Variants in OR1S1 observed in about 807,000 individuals in gnomAD.
OR1S1 encodes olfactory receptor family 1 subfamily S member 1, also known as olfactory receptor 1S1.
For missense variants in OR1S1, 411 were observed against 367.5 expected (o/e 1.12, Z -0.97); for synonymous variants, 156 against 143.9 (o/e 1.08, Z -0.60).
At position 58,213,865 on chromosome 11, in the gene OR1S1, C is replaced by T. The variant is rs147518634; in HGVS notation, c.-55-864C>T. ...GATCTCTCTTTCATAAGAGACCCACCTCATGGTTTCTTATTGCTACAGCCT... is the reference window on the plus strand; with the variant it reads ...GATCTCTCTTTCATAAGAGACCCACTTCATGGTTTCTTATTGCTACAGCCT... On this transcript the variant is annotated intron_variant, in intron 1 of 1. Transcript: ENST00000641544. 2.2e-4 allele frequency among the ~76,000 whole-genome samples: 34 copies of T among 152,238 alleles called. No individual in the cohort carries two copies. The East Asian group carries it at 6.6e-3, about 29-fold the overall frequency.
Position 58,213,540 on chromosome 11 carries a change from C to T in OR1S1, c.-56+703C>T, listed in dbSNP as rs149565610. ...GAAAGGTGGGAGCATATGTTCTTCC[C>T]TTGCTCTTTGGCCTCTCTTCCCACA... On this transcript the variant is annotated intron_variant, in intron 1 of 1. Coordinates refer to ENST00000641544, the Ensembl canonical transcript of OR1S1. Among the ~76,000 whole-genome samples, 15 of 152,298 alleles carry T rather than the reference C, an allele frequency of 9.8e-5. No homozygotes were observed. The East Asian group carries it at 2.9e-3, about 29-fold the overall frequency.
At chr11:58,214,904 G>T (rs769502998) in exon 2 of OR1S1, 1 of 1,614,064 alleles carries the variant, frequency 6.2e-7, no homozygotes, top group East Asian at 2.2e-5. Context: ...CACTGTGATT[G>T]GGAACGGGCT....
In OR1S1 at chr11:58,215,532, T is replaced by C. The variant is rs138938079; in HGVS notation, c.749T>C (p.Leu250Pro). Residue 250 changes from leucine (L) to proline (P), a missense_variant, in exon 2 of 2, where the codon CTG becomes CCG. By Grantham distance (98) the Leu-to-Pro change is moderately conservative. Transcript: ENST00000641544. ...GGCTCTCACCTGACAGTTGTATTAC[T>C]GTTCTACGGAACCATTGTAGGCGTG... 4.5e-5 allele frequency: 73 copies of C among 1,614,040 alleles called. No homozygotes were observed. In the African/African-American group the frequency reaches 8.4e-4, roughly 19 times the overall value.
chr11:58,213,111 G>C (rs1274739788), intron 1 of OR1S1, among the ~76,000 whole-genome samples: 1 of 152,208 alleles, frequency 6.6e-6, no homozygotes, highest in African/African-American at 2.4e-5. Flanking sequence ...ATGCCTTTCA[G>C]TTTTCAGGAA....
rs377269114 is a variant in OR1S1, at chr11:58,215,727, C to G, written c.*5C>G. On this transcript the variant is annotated 3_prime_UTR_variant, in exon 2 of 2. Coordinates refer to ENST00000641544, the Ensembl canonical transcript of OR1S1. ...AGAAAAATTTCTTCCCTTTGATGCC[C>G]TGGACCTCTACATTCTTTTAGTCCA... is the stretch of plus-strand genomic sequence containing the variant. 22 of 1,607,646 alleles carry G rather than the reference C, an allele frequency of 1.4e-5. No individual in the cohort carries two copies. The African/African-American group carries it at 2.5e-4, about 19-fold the overall frequency.
At chr11:58,214,436 C>A (rs976108046) in intron 1 of OR1S1, among the ~76,000 whole-genome samples, 1 of 152,162 alleles carries the variant, frequency 6.6e-6, no homozygotes, top group Non-Finnish European at 1.5e-5. Context: ...GTTAATTCTG[C>A]AGGTGTATAT....
exon 2 of OR1S1, chr11:58,215,992 G>C (rs1258438845): frequency 1.2e-5 from 5 of 429,538 alleles, no homozygotes; most frequent in Non-Finnish European, 2.1e-5. Context: ...TGGAATGGAG[G>C]TGATGAGTTG....
intron 1 of OR1S1, among the ~76,000 whole-genome samples, chr11:58,214,435 G>T (rs966476034): frequency 2.0e-5 from 3 of 152,186 alleles, no homozygotes; most frequent in African/African-American, 2.4e-5. Context: ...AGTTAATTCT[G>T]CAGGTGTATA....
chr11:58,215,604 G>C (rs1341998228), exon 2 of OR1S1: 7 of 1,613,886 alleles, frequency 4.3e-6, no homozygotes, highest in Non-Finnish European at 5.9e-6. Flanking sequence ...GATAAGATTG[G>C]TGCTGTCCTA....
chr11:58,215,401 TATC>T, exon 2 of OR1S1: 1 of 1,614,114 alleles, frequency 6.2e-7, no homozygotes, highest in Non-Finnish European at 8.5e-7. Flanking sequence ...GTTTATCAGT[TATC>T]ATCTTCCCCT....
In OR1S1 at chr11:58,213,020, G is replaced by T. The variant is rs573839520; in HGVS notation, c.-56+183G>T. On this transcript the variant is annotated intron_variant, in intron 1 of 1. Transcript: ENST00000641544. Reference sequence around the variant, plus strand: ...AGTTTTGTTGTGGATTCTCCCTTCTGCATGTGTTTTCTCTTGTCTCTGATT... The same window carrying T: ...AGTTTTGTTGTGGATTCTCCCTTCTTCATGTGTTTTCTCTTGTCTCTGATT... Among the ~76,000 whole-genome samples, 4 of 152,280 alleles carry T rather than the reference G, an allele frequency of 2.6e-5. No individual in the cohort carries two copies. In the South Asian group the frequency reaches 8.3e-4, roughly 32 times the overall value.
exon 2 of OR1S1, chr11:58,215,507 G>A (rs771951506): frequency 3.7e-6 from 6 of 1,614,096 alleles, no homozygotes; most frequent in Non-Finnish European, 5.1e-6. Context: ...CTCCACTTGT[G>A]GCTCTCACCT....
At position 58,216,080 on chromosome 11, in the gene OR1S1, G is replaced by A. The variant is rs191903986; in HGVS notation, c.*358G>A. ...TTGATAAATCATTAGGGGGACTATAGTAAACCATAATCTATTGTATATTTC... is the reference window on the plus strand; with the variant it reads ...TTGATAAATCATTAGGGGGACTATAATAAACCATAATCTATTGTATATTTC... On this transcript the variant is annotated 3_prime_UTR_variant, in exon 2 of 2. Coordinates refer to ENST00000641544, the Ensembl canonical transcript of OR1S1. 28 of 210,506 alleles carry A rather than the reference G, an allele frequency of 1.3e-4. No individual in the cohort carries two copies. In the East Asian group the frequency reaches 2.8e-3, roughly 21 times the overall value. 13.0% of individuals were successfully genotyped at this position (210,506 alleles called of 1,614,324 possible). A position where few individuals can be genotyped will look rare whatever the true frequency, so the allele number is the denominator to read the frequency against.
exon 2 of OR1S1, chr11:58,215,624 G>T: frequency 6.2e-7 from 1 of 1,614,068 alleles, no homozygotes; most frequent in South Asian, 1.1e-5. Flanking sequence ...ATTCACTGTG[G>T]TGACACCCAT....
chr11:58,214,202 G>A (rs1852879484), intron 1 of OR1S1, among the ~76,000 whole-genome samples: 1 of 152,114 alleles, frequency 6.6e-6, no homozygotes, highest in South Asian at 2.1e-4. Flanking sequence ...GTAAAACCCT[G>A]GTTGCTCCTT....
chr11:58,213,478 G>A (rs1383242032), intron 1 of OR1S1, among the ~76,000 whole-genome samples: 1 of 152,156 alleles, frequency 6.6e-6, no homozygotes. Flanking sequence ...CCTCCCTTGT[G>A]AGCTCAGATC....
chr11:58,214,678 T>G, intron 1 of OR1S1, 51 bp from the exon 2 acceptor site: 1 of 1,426,102 alleles, frequency 7.0e-7, no homozygotes, highest in Non-Finnish European at 9.7e-7. Context: ...CAGAAGAAAC[T>G]TTATTCAAGT....
chr11:58,214,169 G>A (rs572295146), intron 1 of OR1S1, among the ~76,000 whole-genome samples: 108 of 152,216 alleles, frequency 7.1e-4, no homozygotes, highest in African/African-American at 2.5e-3. Flanking sequence ...TTTTCTTGAG[G>A]CTAATATGTA....
intron 1 of OR1S1, among the ~76,000 whole-genome samples, chr11:58,213,563 A>G (rs1011012311): frequency 2.6e-4 from 40 of 152,098 alleles, no homozygotes; most frequent in Admixed American, 2.6e-4. Context: ...CTCTCTTCCC[A>G]CAAACCCGTT....
Sources: allele counts gnomAD v4.1 joint callset (sites outside exome capture counted in the v4.1 genomes callset), GRCh38; gene constraint gnomAD v4.1.1; transcripts MANE v1.5; gene names NCBI Gene and HGNC (gene_info 2026-07-23, HGNC 2026-07-21).